ELP4: variants seen among roughly 807,000 people sequenced by gnomAD.
The protein encoded by ELP4 is elongator complex protein 4.
A neutral mutation model predicts 48.9 loss-of-function variants in ELP4; 51 were observed. That is an observed-to-expected ratio of 1.04 (90% CI 0.83 to 1.32). The LOEUF (loss-of-function observed/expected upper bound fraction) is 1.32. ELP4 is among the 40% of genes most tolerant of loss of function. ELP4 has a pLI of 0.00. For missense variants in ELP4, 519 were observed against 514.6 expected (o/e 1.01, Z -0.08); for synonymous variants, 210 against 189.2 (o/e 1.11, Z -0.90).
intron 9 of ELP4, among the ~76,000 whole-genome samples, chr11:31,714,260 T>C (rs1565123905): frequency 6.6e-6 from 1 of 152,200 alleles, no homozygotes; most frequent in African/African-American, 2.4e-5. Context: ...CAAAAATCTC[T>C]TGTTGTAATT....
chr11:31,509,777 G>A lies in ELP4; in HGVS notation c.-8G>A. The A allele has an allele frequency of 4.3e-6, 7 of 1,613,706 alleles. No individual in the cohort carries two copies. The highest frequency in any genetic ancestry group is 5.9e-6 in the Non-Finnish European group (7 of 1,179,876). On this transcript the variant is annotated 5_prime_UTR_variant, in exon 1 of 10. Coordinates refer to ENST00000640961, the MANE Select transcript of ELP4 (RefSeq NM_019040.5). ...AGTTCCTATTGGGTTAACACTGGAG[G>A]CTCTAAGATGGCGGCAGTGGCAACC...
At chr11:31,593,052 TA>T (rs1421709628) in intron 3 of ELP4, among the ~76,000 whole-genome samples, 1 of 152,256 alleles carries the variant, frequency 6.6e-6, no homozygotes, top group Non-Finnish European at 1.5e-5. Context: ...TACATTATAC[TA>T]AATTTGTTGC....
intron 9 of ELP4, among the ~76,000 whole-genome samples, chr11:31,703,763 C>A (rs116569666): frequency 1.3e-5 from 2 of 152,028 alleles, no homozygotes; most frequent in African/African-American, 4.8e-5. Flanking sequence ...CAAAGTGTTT[C>A]CTGATTGAAA....
chr11:31,754,155 T>A (rs1198899746), intron 9 of ELP4, among the ~76,000 whole-genome samples: 1 of 152,184 alleles, frequency 6.6e-6, no homozygotes, highest in Admixed American at 6.5e-5. Context: ...TATCATCCAC[T>A]TCTCACAAAG....
chr11:31,724,602 A>G (rs1414813163), intron 9 of ELP4, among the ~76,000 whole-genome samples: 2 of 152,268 alleles, frequency 1.3e-5, no homozygotes, highest in Admixed American at 6.5e-5. Flanking sequence ...TGACCAGGCC[A>G]GAGGCCATGA....
rs1023395150 is a variant in ELP4 at position 31,789,019 on chromosome 11, A to G, written c.*5495A>G. On this transcript the variant is annotated 3_prime_UTR_variant, in exon 10 of 10. Transcript: ENST00000640961. ...ATGTAGTTGTGAACAACTTCAAAAC[A>G]CTTAAGTTTAAAACTCTTGCAAGCA... 3.5e-5 allele frequency: 7 copies of G among 200,580 alleles called. No homozygotes were observed. The highest frequency in any genetic ancestry group is 1.9e-4 in the South Asian group (1 of 5,256). 12.4% of individuals were successfully genotyped at this position (200,580 alleles called of 1,614,324 possible). A position where few individuals can be genotyped will look rare whatever the true frequency, so the allele number is the denominator to read the frequency against.
At chr11:31,737,582 G>C (rs910883148) in intron 9 of ELP4, among the ~76,000 whole-genome samples, 1 of 152,124 alleles carries the variant, frequency 6.6e-6, no homozygotes, top group African/African-American at 2.4e-5. Context: ...CCATATATCT[G>C]TTAAGGGATT....
At chr11:31,711,091 C>T (rs573814629) in intron 9 of ELP4, among the ~76,000 whole-genome samples, 1 of 152,286 alleles carries the variant, frequency 6.6e-6, no homozygotes, top group African/African-American at 2.4e-5. Flanking sequence ...AAATATGAGA[C>T]TCTGTTACAC....
chr11:31,573,795 C>T (rs1186601225), intron 3 of ELP4, among the ~76,000 whole-genome samples: 4 of 150,258 alleles, frequency 2.7e-5, no homozygotes, highest in African/African-American at 9.9e-5. Flanking sequence ...TATTTTCAAA[C>T]ACCCCTTTCT....
At chr11:31,720,534 T>C (rs933229441) in intron 9 of ELP4, among the ~76,000 whole-genome samples, 14 of 140 alleles carry the variant, frequency 0.1, no homozygotes, top group Non-Finnish European at 0.12. Context: ...TAAAGTCTCT[T>C]TCAGTGCTTA....
intron 9 of ELP4, among the ~76,000 whole-genome samples, chr11:31,679,351 C>A (rs542444339): frequency 6.6e-6 from 1 of 152,256 alleles, no homozygotes; most frequent in South Asian, 2.1e-4. Flanking sequence ...GCTAGTGCAA[C>A]CACAATAAAT....
intron 5 of ELP4, among the ~76,000 whole-genome samples, chr11:31,619,641 A>G (rs1944573063): frequency 6.8e-6 from 1 of 147,936 alleles, no homozygotes; most frequent in Non-Finnish European, 1.5e-5. Flanking sequence ...ACCTCCCAAA[A>G]TTTTCACCTC....
chr11:31,729,217 G>T (rs760969124), intron 9 of ELP4, among the ~76,000 whole-genome samples: 1 of 152,194 alleles, frequency 6.6e-6, no homozygotes, highest in African/African-American at 2.4e-5. Context: ...TGTTTTATGA[G>T]GTAGGATGTC....
chr11:31,714,862 A>T (rs1321173738), intron 9 of ELP4: 1 of 398,214 alleles, frequency 2.5e-6, no homozygotes, highest in African/African-American at 2.1e-5. Context: ...ATTACATTGG[A>T]CCCACTTAAA....
intron 3 of ELP4, among the ~76,000 whole-genome samples, chr11:31,543,568 C>A (rs1417617998): frequency 6.6e-6 from 1 of 152,098 alleles, no homozygotes; most frequent in East Asian, 1.9e-4. Flanking sequence ...ATCTGCCCAC[C>A]TCGGCCTCCC....
intron 2 of ELP4, among the ~76,000 whole-genome samples, chr11:31,522,522 G>T (rs1956231512): frequency 1.3e-5 from 2 of 152,116 alleles, no homozygotes; most frequent in Non-Finnish European, 1.5e-5. Context: ...ATATAGATGT[G>T]CCATAATTTA....
At chr11:31,756,363 C>A (rs1947831531) in intron 9 of ELP4, among the ~76,000 whole-genome samples, 1 of 152,208 alleles carries the variant, frequency 6.6e-6, no homozygotes, top group African/African-American at 2.4e-5. Context: ...CCATCCTTAT[C>A]TTTTACTATT....
At chr11:31,623,004 C>T (rs1429304463) in intron 5 of ELP4, among the ~76,000 whole-genome samples, 1 of 150,028 alleles carries the variant, frequency 6.7e-6, no homozygotes, top group Non-Finnish European at 1.5e-5. Context: ...TTTAAAGGCA[C>T]ATTGTAGAAT....
At chr11:31,547,388 G>T (rs1385738634) in intron 3 of ELP4, among the ~76,000 whole-genome samples, 2 of 152,184 alleles carry the variant, frequency 1.3e-5, no homozygotes, top group Non-Finnish European at 2.9e-5. Flanking sequence ...AAATCTAGAA[G>T]AAATGGGTAA....
Sources: allele counts gnomAD v4.1 joint callset (sites outside exome capture counted in the v4.1 genomes callset), GRCh38; gene constraint gnomAD v4.1.1; transcripts MANE v1.5; gene names NCBI Gene and HGNC (gene_info 2026-07-23, HGNC 2026-07-21).